MDGA2: variants seen among roughly 807,000 people sequenced by gnomAD.
The protein encoded by MDGA2 is MAM domain-containing glycosylphosphatidylinositol anchor protein 2.
In MDGA2, 40 loss-of-function variants were observed where a neutral mutation model predicts 117.8. The observed-to-expected ratio is 0.34, with a 90% CI of 0.26 to 0.44. MDGA2 has a LOEUF of 0.44. MDGA2 is among the 20% of genes least tolerant of loss of function. The probability of loss-of-function intolerance (pLI) is 1.00; values close to 1 mark genes in which losing one functional copy is unlikely to be tolerated. For missense variants in MDGA2, 1,123 were observed against 1,250.6 expected, an observed-to-expected ratio of 0.90 and a Z score of 1.54; for synonymous variants, 452 against 439.0, an observed-to-expected ratio of 1.03 and a Z score of -0.37.
intron 7 of MDGA2, among the ~76,000 whole-genome samples, chr14:47,038,880 G>A (rs561426301): frequency 4.6e-5 from 7 of 151,608 alleles, no homozygotes; most frequent in Non-Finnish European, 8.8e-5. Flanking sequence ...AACTCAGGAG[G>A]TGGAGGCTGC....
chr14:47,089,727 T>A (rs140946974), intron 6 of MDGA2, among the ~76,000 whole-genome samples: 1 of 152,096 alleles, frequency 6.6e-6, no homozygotes, highest in African/African-American at 2.4e-5. Flanking sequence ...TGAGTTCATG[T>A]CCTTTGTAGG....
At chr14:47,227,286 T>C (rs1445746004) in intron 2 of MDGA2, among the ~76,000 whole-genome samples, 1 of 152,100 alleles carries the variant, frequency 6.6e-6, no homozygotes, top group Non-Finnish European at 1.5e-5. Flanking sequence ...CTGTGACTCT[T>C]AGCCGATGAA....
chr14:46,867,730 A>G (rs1204256784), intron 14 of MDGA2, among the ~76,000 whole-genome samples: 2 of 152,012 alleles, frequency 1.3e-5, no homozygotes, highest in Non-Finnish European at 2.9e-5. Flanking sequence ...CAAGTTTTAT[A>G]TCTTTATCCT....
chr14:47,588,051 A>C (rs1296893296), intron 1 of MDGA2, among the ~76,000 whole-genome samples: 6 of 151,668 alleles, frequency 4.0e-5, no homozygotes, highest in Non-Finnish European at 8.8e-5. Context: ...ATATATTATT[A>C]CTGCATTTCT....
At chr14:47,036,033 A>T (rs535152065) in intron 7 of MDGA2, among the ~76,000 whole-genome samples, 19 of 152,030 alleles carry the variant, frequency 1.2e-4, no homozygotes, top group African/African-American at 4.6e-4. Context: ...ACTTTGGGAT[A>T]ATGAGGCAGG....
chr14:47,582,051 G>C (rs780959153), intron 1 of MDGA2, among the ~76,000 whole-genome samples: 3 of 151,826 alleles, frequency 2.0e-5, no homozygotes, highest in Non-Finnish European at 2.9e-5. Flanking sequence ...TATTGTTATT[G>C]TTAGTGCCAA....
At chr14:47,588,267 C>T (rs551858435) in intron 1 of MDGA2, among the ~76,000 whole-genome samples, 15,612 of 116,338 alleles carry the variant, frequency 0.13, 1,259 homozygotes, top group Non-Finnish European at 0.17. Flanking sequence ...TATATACACA[C>T]ACACACACAC....
At chr14:47,106,536 A>T (rs1247498007) in intron 5 of MDGA2, among the ~76,000 whole-genome samples, 2 of 151,294 alleles carry the variant, frequency 1.3e-5, no homozygotes, top group East Asian at 4.0e-4. Flanking sequence ...TCTGTGCGGG[A>T]CCCCACTGAA....
intron 1 of MDGA2, among the ~76,000 whole-genome samples, chr14:47,530,158 C>A (rs1486719969): frequency 6.6e-6 from 1 of 152,122 alleles, no homozygotes; most frequent in Non-Finnish European, 1.5e-5. Flanking sequence ...TGGAATGCAA[C>A]CCTTGTGGAG....
intron 10 of MDGA2, among the ~76,000 whole-genome samples, chr14:46,909,356 A>G (rs901307657): frequency 9.9e-5 from 15 of 152,144 alleles, no homozygotes; most frequent in African/African-American, 3.6e-4. Flanking sequence ...TGGTTCTTTT[A>G]TTTCTTACAA....
In MDGA2 at chr14:47,612,464, C is replaced by A. The variant is rs17118966; in HGVS notation, c.280+62053G>T. 0.017 allele frequency among the ~76,000 whole-genome samples: 2,651 copies of A among 152,126 alleles called. 244 individuals carry two copies. The East Asian group carries it at 0.3, about 17-fold the overall frequency. On this transcript the variant is annotated intron_variant, in intron 1 of 16. Coordinates refer to ENST00000399232, the MANE Select transcript of MDGA2 (RefSeq NM_001113498.3). The stretch of plus-strand genomic sequence containing the variant: ...CAAGCTTTAACAACAATAACAAAAA[C>A]TTGAGTCATATAACTTTCTTAAGCT...
intron 1 of MDGA2, among the ~76,000 whole-genome samples, chr14:47,570,564 T>C (rs1163396489): frequency 1.3e-5 from 2 of 152,040 alleles, no homozygotes; most frequent in Admixed American, 1.3e-4. Context: ...CAAAGGTATA[T>C]ATTCTCTTAA....
chr14:47,225,004 G>A (rs17118218), intron 2 of MDGA2, among the ~76,000 whole-genome samples: 3,293 of 152,200 alleles, frequency 0.022, 127 homozygotes, highest in African/African-American at 0.073. Context: ...ATAGCAATAT[G>A]TCACACTTAT....
At chr14:47,017,128 C>T (rs1888111609) in intron 8 of MDGA2, among the ~76,000 whole-genome samples, 1 of 151,444 alleles carries the variant, frequency 6.6e-6, no homozygotes, top group Non-Finnish European at 1.5e-5. Context: ...TATCAAGGTG[C>T]TTTATCCTTG....
At chr14:46,973,022 T>C (rs1886327153) in intron 8 of MDGA2, among the ~76,000 whole-genome samples, 1 of 152,148 alleles carries the variant, frequency 6.6e-6, no homozygotes. Flanking sequence ...GAGGAGATGC[T>C]GTGCATGATG....
At chr14:47,316,609 C>G (rs1318905763) in intron 1 of MDGA2, among the ~76,000 whole-genome samples, 1 of 152,048 alleles carries the variant, frequency 6.6e-6, no homozygotes, top group East Asian at 1.9e-4. Flanking sequence ...TAATAACTAA[C>G]TAGCAGGCTT....
chr14:47,520,767 C>T (rs1894852961), intron 1 of MDGA2, among the ~76,000 whole-genome samples: 1 of 152,134 alleles, frequency 6.6e-6, no homozygotes, highest in Non-Finnish European at 1.5e-5. Context: ...GAACCAGTGA[C>T]CACTCCTTGA....
chr14:47,355,202 T>G (rs1385884557), intron 1 of MDGA2, among the ~76,000 whole-genome samples: 2 of 152,126 alleles, frequency 1.3e-5, no homozygotes, highest in South Asian at 4.1e-4. Context: ...CGCATATCAG[T>G]ATAGCCAATA....
chr14:47,604,595 T>C (rs1448082005), intron 1 of MDGA2, among the ~76,000 whole-genome samples: 1 of 149,200 alleles, frequency 6.7e-6, no homozygotes, highest in Non-Finnish European at 1.5e-5. Flanking sequence ...CTCCCAAAAG[T>C]GCTAGGATTA....
Sources: allele counts gnomAD v4.1 joint callset (sites outside exome capture counted in the v4.1 genomes callset), GRCh38; gene constraint gnomAD v4.1.1; transcripts MANE v1.5; gene names NCBI Gene and HGNC (gene_info 2026-07-23, HGNC 2026-07-21).